SLC28A1: variants seen among roughly 807,000 people sequenced by gnomAD.
SLC28A1 encodes the protein sodium/nucleoside cotransporter 1.
In SLC28A1, 64 loss-of-function variants were observed where a neutral mutation model predicts 74.8. That is an observed-to-expected ratio of 0.86 (90% CI 0.70 to 1.05). SLC28A1 has a LOEUF of 1.05. SLC28A1 is among the 50% of genes least tolerant of loss of function. The pLI is 0.00. For missense variants in SLC28A1, 828 were observed against 822.8 expected (o/e 1.01, Z -0.08); for synonymous variants, 359 against 335.0 (o/e 1.07, Z -0.78).
rs1443921640 is a variant in SLC28A1, at chr15:84,924,001, T to C, written c.974T>C (p.Leu325Pro). 5 of 1,613,982 alleles carry C rather than the reference T, an allele frequency of 3.1e-6. No homozygotes were observed. In the Admixed American group the frequency reaches 8.3e-5, roughly 27 times the overall value. ...TGTTTGCAGACCGAGGCTCCATTACTGATCCGGCCCTACTTGGCAGACATG... is the reference window on the plus strand; with the variant it reads ...TGTTTGCAGACCGAGGCTCCATTACCGATCCGGCCCTACTTGGCAGACATG... The part of the protein sequence containing the change: ...IFVSQTEAPL[L>P]IRPYLADMTL... The change falls in exon 12 of 19, where the codon CTG becomes CCG. Residue 325 changes from leucine (L) to proline (P), a missense_variant. Leu to Pro is a moderately conservative substitution (Grantham distance 98). Transcript: ENST00000394573.
intron 12 of SLC28A1, 50 bp from the exon 13 acceptor site, chr15:84,933,095 C>T (rs1224006915): frequency 1.2e-6 from 2 of 1,607,822 alleles, no homozygotes; most frequent in Non-Finnish European, 1.7e-6. Flanking sequence ...CCTTGGTCGC[C>T]AGCATTTCTT....
At chr15:84,933,834 G>T (rs1596341004) in intron 13 of SLC28A1, among the ~76,000 whole-genome samples, 1 of 152,172 alleles carries the variant, frequency 6.6e-6, no homozygotes, top group Non-Finnish European at 1.5e-5. Context: ...AGTTAGCCAG[G>T]CATAAAGGCT....
At chr15:84,943,891 G>A (rs528512254) in intron 16 of SLC28A1, among the ~76,000 whole-genome samples, 50 of 151,734 alleles carry the variant, frequency 3.3e-4, no homozygotes, top group Admixed American at 3.2e-3. Context: ...GCTACAGAGC[G>A]AGACTCTGTC....
chr15:84,895,554 C>T (rs972195071), intron 6 of SLC28A1: 148 of 1,540,504 alleles, frequency 9.6e-5, no homozygotes, highest in Non-Finnish European at 1.2e-4. Flanking sequence ...TAGCCAGCAG[C>T]GTCCTTGGAC....
chr15:84,887,777 C>T lies in SLC28A1; in HGVS notation c.17C>T (p.Ser6Leu), dbSNP rs199884642. 1.3e-5 allele frequency: 21 copies of T among 1,614,072 alleles called. No individual in the cohort carries two copies. The highest frequency in any genetic ancestry group is 2.2e-5 in the East Asian group (1 of 44,878). The change falls in exon 3 of 19, where the codon TCG becomes TTG. Residue 6 changes from serine (S) to leucine (L), a missense_variant. By Grantham distance (145) the Ser-to-Leu change is moderately radical. Coordinates refer to ENST00000394573, the MANE Select transcript of SLC28A1 (RefSeq NM_004213.5). The part of the protein sequence containing the change: MENDP[S>L]RRRESISLTP... ...GTCTGGGACATGGAGAACGACCCCT[C>T]GAGACGAAGAGAGTCCATCTCTCTC...
chr15:84,919,838 A>G (rs956427650), intron 10 of SLC28A1, among the ~76,000 whole-genome samples: 1 of 152,190 alleles, frequency 6.6e-6, no homozygotes, highest in Admixed American at 6.5e-5. Flanking sequence ...AGGTGGGGAT[A>G]TTCAAACCAT....
chr15:84,902,060 C>T (rs562352554), intron 6 of SLC28A1, among the ~76,000 whole-genome samples: 2 of 152,106 alleles, frequency 1.3e-5, no homozygotes, highest in South Asian at 4.2e-4. Flanking sequence ...CATGCAGAAA[C>T]CTAGATAAAT....
chr15:84,974,110 A>G, the SLC28A1 span, among the ~76,000 whole-genome samples: 1 of 152,286 alleles, frequency 6.6e-6, no homozygotes, highest in East Asian at 1.9e-4. Flanking sequence ...ACTTTGGATT[A>G]AGAACTTTAA....
At chr15:84,911,513 T>A (rs1173273839) in intron 9 of SLC28A1, among the ~76,000 whole-genome samples, 3 of 152,196 alleles carry the variant, frequency 2.0e-5, no homozygotes, top group Non-Finnish European at 2.9e-5. Context: ...AACGGCCTCA[T>A]GTCTCTCCTC....
chr15:84,911,112 C>T (rs2141840445), intron 9 of SLC28A1, among the ~76,000 whole-genome samples: 1 of 152,340 alleles, frequency 6.6e-6, no homozygotes. Flanking sequence ...CACGCAGCTG[C>T]TGTCCGCCAG....
At chr15:84,897,770 A>T (rs73439904) in intron 6 of SLC28A1, among the ~76,000 whole-genome samples, 1 of 152,040 alleles carries the variant, frequency 6.6e-6, no homozygotes, top group South Asian at 2.1e-4. Flanking sequence ...TTAATCAACT[A>T]CTCGTCATCC....
the SLC28A1 span, among the ~76,000 whole-genome samples, chr15:84,960,113 C>G: frequency 6.6e-6 from 1 of 151,818 alleles, no homozygotes; most frequent in Non-Finnish European, 1.5e-5. Flanking sequence ...AGAGAAAATT[C>G]CAGGAATACA....
chr15:84,931,766 G>A (rs1236676529), intron 12 of SLC28A1, among the ~76,000 whole-genome samples: 1 of 151,854 alleles, frequency 6.6e-6, no homozygotes, highest in African/African-American at 2.4e-5. Context: ...CACTTTGGGA[G>A]GCCCAGGTGG....
At position 84,893,795 on chromosome 15, in the gene SLC28A1, A is replaced by T. The variant is rs1036990576; in HGVS notation, c.278-1145A>T. 2.0e-5 allele frequency among the ~76,000 whole-genome samples: 3 copies of T among 152,200 alleles called. No homozygotes were observed. The South Asian group carries it at 6.2e-4, about 32-fold the overall frequency. ...CTGGCTTTCTAGGGCCCTGCTTGCC[A>T]CGCACCACACGGGCATTCCTCTCTC... is the stretch of plus-strand genomic sequence containing the variant. On this transcript the variant is annotated intron_variant, in intron 5 of 18. Transcript: ENST00000394573.
At chr15:84,973,588 T>C in the SLC28A1 span, among the ~76,000 whole-genome samples, 1 of 152,120 alleles carries the variant, frequency 6.6e-6, no homozygotes, top group African/African-American at 2.4e-5. Context: ...TCTTACTCAG[T>C]TCAGGGAAGT....
chr15:84,967,170 C>G, the SLC28A1 span, among the ~76,000 whole-genome samples: 1 of 152,192 alleles, frequency 6.6e-6, no homozygotes, highest in Non-Finnish European at 1.5e-5. Flanking sequence ...AGGTCTAAAG[C>G]CTTGGAGGAT....
At chr15:84,896,034 T>C in intron 6 of SLC28A1, 6 of 799,020 alleles carry the variant, frequency 7.5e-6, no homozygotes, top group Non-Finnish European at 9.1e-6. Flanking sequence ...ACATTTGTGA[T>C]TTATTTTTGC....
Position 84,945,284 on chromosome 15 carries a change from C to T in SLC28A1, c.*84C>T. ...TGTCCCCACCTTCCCTTTCCCAGAG[C>T]CCTCTTCAGGGAAGCCACAGGACTT... On this transcript the variant is annotated 3_prime_UTR_variant, in exon 19 of 19. Coordinates refer to ENST00000394573, the MANE Select transcript of SLC28A1 (RefSeq NM_004213.5). 6.1e-6 allele frequency: 8 copies of T among 1,321,564 alleles called. No individual in the cohort carries two copies. The highest frequency in any genetic ancestry group is 8.7e-6 in the Non-Finnish European group (8 of 920,078). 81.9% of individuals were successfully genotyped at this position (1,321,564 alleles called of 1,614,324 possible). A position where few individuals can be genotyped will look rare whatever the true frequency, so the allele number is the denominator to read the frequency against.
intron 9 of SLC28A1, among the ~76,000 whole-genome samples, chr15:84,912,851 T>C (rs1028235692): frequency 9.0e-6 from 1 of 111,674 alleles, no homozygotes; most frequent in East Asian, 2.6e-4. Flanking sequence ...CACACACAGA[T>C]CAAATAAGGA....
Sources: allele counts gnomAD v4.1 joint callset (sites outside exome capture counted in the v4.1 genomes callset), GRCh38; gene constraint gnomAD v4.1.1; transcripts MANE v1.5; gene names NCBI Gene and HGNC (gene_info 2026-07-23, HGNC 2026-07-21).